EDEM3: variants seen among roughly 807,000 people sequenced by gnomAD.
The protein encoded by EDEM3 is ER degradation-enhancing alpha-mannosidase-like protein 3.
In EDEM3, 60 loss-of-function variants were observed where a neutral mutation model predicts 110.2. The observed-to-expected ratio is 0.54, with a 90% confidence interval of 0.44 to 0.67. EDEM3 has a LOEUF of 0.67. Among genes scored for constraint, EDEM3 ranks in the 30% least tolerant of loss-of-function variants. The probability of loss-of-function intolerance (pLI) is 0.00; values close to 1 mark genes in which losing one functional copy is unlikely to be tolerated. For synonymous variants in EDEM3, 352 were observed against 382.9 expected (o/e 0.92, Z 0.94); for missense variants, 996 against 1,121.0 (o/e 0.89, Z 1.59).
At chr1:184,730,747 A>G (rs983109258) in intron 6 of EDEM3, among the ~76,000 whole-genome samples, 1 of 152,142 alleles carries the variant, frequency 6.6e-6, no homozygotes, top group Non-Finnish European at 1.5e-5. Flanking sequence ...ATATCATGCT[A>G]TATCTCCAGT....
At chr1:184,710,680 G>GTATT (rs771785893) in intron 15 of EDEM3, 133 bp from the exon 16 acceptor site, 19 of 1,045,540 alleles carry the variant, frequency 1.8e-5, no homozygotes, top group Non-Finnish European at 2.0e-5. Flanking sequence ...TAACTAGAAA[G>GTATT]TATTTTCTTA....
At chr1:184,702,790 C>A (rs1221589942) in intron 19 of EDEM3, 21 bp downstream of exon 19, 3 of 1,501,332 alleles carry the variant, frequency 2.0e-6, no homozygotes, top group East Asian at 2.5e-5. Flanking sequence ...CATAAAAAAA[C>A]AAATGGTATT....
Position 184,716,897 on chromosome 1 carries a change from T to C in EDEM3, c.1361A>G (p.His454Arg), listed in dbSNP as rs1190420237. The C allele has an allele frequency of 1.9e-6, 3 of 1,613,258 alleles. No individual in the cohort carries two copies. The Admixed American group carries it at 5.0e-5, about 27-fold the overall frequency. The change falls in exon 13 of 20, where the codon CAT becomes CGT. Residue 454 changes from histidine (H) to arginine (R), a missense_variant. By Grantham distance (29) the His-to-Arg change is conservative (BLOSUM62 0). Coordinates refer to ENST00000318130, the MANE Select transcript of EDEM3 (RefSeq NM_025191.4). ...TTAGCAATTGTTTTACCTGTCCTCATGACTTCCAGTACGAACATCCTTCAT... is the reference window on the plus strand; with the variant it reads ...TTAGCAATTGTTTTACCTGTCCTCACGACTTCCAGTACGAACATCCTTCAT... ...AAMKDVRTGSHEDRMDSFFLA... is the reference protein window; with the variant it reads ...AAMKDVRTGSREDRMDSFFLA...
intron 1 of EDEM3, among the ~76,000 whole-genome samples, chr1:184,754,039 C>T (rs1652938628): frequency 6.6e-6 from 1 of 152,214 alleles, no homozygotes; most frequent in Non-Finnish European, 1.5e-5. Context: ...ATGAACGCCC[C>T]CTTTTCCGTA....
At chr1:184,700,977 A>G (rs1571346972) in intron 19 of EDEM3, among the ~76,000 whole-genome samples, 3 of 152,138 alleles carry the variant, frequency 2.0e-5, no homozygotes, top group Non-Finnish European at 4.4e-5. Context: ...TTTATAGACT[A>G]AAGTTTTCAA....
chr1:184,751,387 T>G (rs1371132386), intron 1 of EDEM3, among the ~76,000 whole-genome samples: 1 of 152,132 alleles, frequency 6.6e-6, no homozygotes, highest in Non-Finnish European at 1.5e-5. Flanking sequence ...CCTAGACATG[T>G]ATATTACAAA....
chr1:184,703,975 T>C (rs564880902), intron 18 of EDEM3, among the ~76,000 whole-genome samples: 3 of 151,980 alleles, frequency 2.0e-5, no homozygotes, highest in South Asian at 4.2e-4. Context: ...TGAAGCAGAA[T>C]TGCAAAGAGA....
In EDEM3 at chr1:184,706,676, G is replaced by A. The variant is rs370728917; in HGVS notation, c.2170C>T (p.Gln724Ter). 3 of 1,613,010 alleles carry A rather than the reference G, an allele frequency of 1.9e-6. No individual in the cohort carries two copies. The highest frequency in any genetic ancestry group is 2.5e-6 in the Non-Finnish European group (3 of 1,179,384). ...ATGCCACCAATGGCTCCAGCATTCT[G>A]GATGTTGCGTGCCTTTTCTGCAAAC... ...CMFAEKARNI[Q>*]NAGAIGGIVI... Residue 724 changes from glutamine to a stop codon, truncating the protein, a stop_gained, in exon 18 of 20, where the codon CAG becomes TAG. Transcript: ENST00000318130. LOFTEE classifies it high-confidence loss of function.
intron 19 of EDEM3, among the ~76,000 whole-genome samples, chr1:184,702,141 A>G (rs1197266302): frequency 6.6e-6 from 1 of 152,190 alleles, no homozygotes; most frequent in African/African-American, 2.4e-5. Context: ...GTGTGAAACT[A>G]TGTAAGAATA....
At chr1:184,713,940 C>A (rs1650401926) in intron 13 of EDEM3, among the ~76,000 whole-genome samples, 1 of 152,222 alleles carries the variant, frequency 6.6e-6, no homozygotes, top group Non-Finnish European at 1.5e-5. Flanking sequence ...CCTACATACA[C>A]ATGATTTTTT....
At chr1:184,718,311 A>C (rs10911642) in intron 11 of EDEM3, among the ~76,000 whole-genome samples, 201 of 152,248 alleles carry the variant, frequency 1.3e-3, no homozygotes, top group African/African-American at 4.7e-3. Context: ...TTAAAAGAAA[A>C]TAAAAATAAA....
At chr1:184,721,844 A>T (rs1650920230) in intron 8 of EDEM3, among the ~76,000 whole-genome samples, 1 of 152,020 alleles carries the variant, frequency 6.6e-6, no homozygotes, top group Admixed American at 6.5e-5. Flanking sequence ...TGTCTTAACC[A>T]GTAAAAAAAA....
chr1:184,750,511 A>T (rs1652698229), intron 1 of EDEM3, among the ~76,000 whole-genome samples: 1 of 110,138 alleles, frequency 9.1e-6, no homozygotes, highest in Non-Finnish European at 1.9e-5. Context: ...TTTTTTATTA[A>T]CTTTTTCTTT....
At chr1:184,744,395 G>A (rs1438391697) in intron 2 of EDEM3, among the ~76,000 whole-genome samples, 1 of 150,584 alleles carries the variant, frequency 6.6e-6, no homozygotes, top group African/African-American at 2.4e-5. Context: ...CAACAGAATG[G>A]CTGAAATTAG....
In EDEM3 at chr1:184,703,147, C is replaced by T. The variant is rs1649721828; in HGVS notation, c.2204-151G>A. On this transcript the variant is annotated intron_variant, in intron 18 of 19. Coordinates refer to ENST00000318130, the MANE Select transcript of EDEM3 (RefSeq NM_025191.4). ...CATAATTTTTGGACCCATTAATTCTCATAGAAACGTATCCAAAGGAAATAA... is the reference window on the plus strand; with the variant it reads ...CATAATTTTTGGACCCATTAATTCTTATAGAAACGTATCCAAAGGAAATAA... 2.7e-5 allele frequency: 17 copies of T among 634,072 alleles called. No homozygotes were observed. The South Asian group carries it at 5.0e-4, about 18-fold the overall frequency. The allele number at this position is 634,072 out of a possible 1,614,324, so 39.3% of individuals were successfully genotyped here.
chr1:184,745,347 T>C (rs1251878837), intron 2 of EDEM3, among the ~76,000 whole-genome samples: 1 of 152,118 alleles, frequency 6.6e-6, no homozygotes, highest in East Asian at 1.9e-4. Context: ...TATAAATTTA[T>C]ATCTCCCTTA....
At chr1:184,710,974 C>A (rs1268289242) in intron 15 of EDEM3, among the ~76,000 whole-genome samples, 1 of 152,146 alleles carries the variant, frequency 6.6e-6, no homozygotes, top group Non-Finnish European at 1.5e-5. Context: ...AATATAACTA[C>A]TCGTCAGAAA....
intron 8 of EDEM3, among the ~76,000 whole-genome samples, chr1:184,722,813 G>A (rs1650976081): frequency 6.6e-6 from 1 of 151,690 alleles, no homozygotes; most frequent in Non-Finnish European, 1.5e-5. Flanking sequence ...TAAAAAAGAT[G>A]CTTTCATTAA....
chr1:184,699,445 A>T (rs148887931), intron 19 of EDEM3, among the ~76,000 whole-genome samples: 1 of 151,938 alleles, frequency 6.6e-6, no homozygotes, highest in Non-Finnish European at 1.5e-5. Context: ...GTGAAAATGC[A>T]TGAGAAAACA....
Sources: allele counts gnomAD v4.1 joint callset (sites outside exome capture counted in the v4.1 genomes callset), GRCh38; gene constraint gnomAD v4.1.1; transcripts MANE v1.5; gene names NCBI Gene and HGNC (gene_info 2026-07-23, HGNC 2026-07-21).